Variants in CNOT3 observed in about 807,000 individuals in gnomAD.
CNOT3 encodes the protein CCR4-NOT transcription complex subunit 3.
In CNOT3, 2 loss-of-function variants were observed where a neutral mutation model predicts 89.4. That is an observed-to-expected ratio of 0.02 (90% CI 0.01 to 0.07). The LOEUF (loss-of-function observed/expected upper bound fraction) is 0.07, where lower values mean the gene tolerates loss of function less well. Among genes scored for constraint, CNOT3 ranks in the 10% least tolerant of loss-of-function variants. The probability of loss-of-function intolerance (pLI) is 1.00; values close to 1 mark genes in which losing one functional copy is unlikely to be tolerated. For synonymous variants in CNOT3, 486 were observed against 402.0 expected, an observed-to-expected ratio of 1.21 and a Z score of -2.50; for missense variants, 664 against 1,010.2, an observed-to-expected ratio of 0.66 and a Z score of 4.65.
At position 54,145,861 on chromosome 19, in the gene CNOT3, G is replaced by C; in HGVS notation, c.703+44G>C. The C allele has an allele frequency of 6.2e-7, 1 of 1,610,940 alleles. No homozygotes were observed. Among genetic ancestry groups the C allele is most frequent in the Non-Finnish European group, 8.5e-7 (1 of 1,177,818 alleles). Reference sequence around the variant, plus strand: ...TCGTGGCACAGGAAGTGAGGGCCCAGAATGGGCTGTGTGAGCCAGCTAAGC... The same window carrying C: ...TCGTGGCACAGGAAGTGAGGGCCCACAATGGGCTGTGTGAGCCAGCTAAGC... On this transcript the variant is annotated intron_variant, in intron 8 of 17. Transcript: ENST00000221232. This position sits in a 1 kb window ranked among gnomAD's most constrained non-coding sequence, Gnocchi z 5.9.
chr19:54,148,397 G>A lies in CNOT3; in HGVS notation c.1144G>A (p.Gly382Arg), dbSNP rs779427467. ...GGCTGTGGCCCCACCAGCTCCCAGT[G>A]GGCCCAGCACGACCCAGCCCCGGCC... is the stretch of plus-strand genomic sequence containing the variant. ...AQAVAPPAPSGPSTTQPRPPS... is the reference protein window; with the variant it reads ...AQAVAPPAPSRPSTTQPRPPS... The change falls in exon 11 of 18, where the codon GGG becomes AGG. Residue 382 changes from glycine to arginine, a missense_variant. By Grantham distance (125) the Gly-to-Arg change is moderately radical. This residue lies in a region of CNOT3 where 545 missense variants were observed against 566.2 expected (regional missense o/e 0.96). Transcript: ENST00000221232. This position sits in a 1 kb window ranked among gnomAD's most constrained non-coding sequence, Gnocchi z 6.3. 1 of 1,562,372 alleles carries A rather than the reference G, an allele frequency of 6.4e-7. No individual in the cohort carries two copies. Among genetic ancestry groups the A allele is most frequent in the Non-Finnish European group, 8.7e-7 (1 of 1,152,632 alleles).
intron 9 of CNOT3, 22 bp from the exon 10 acceptor site, chr19:54,146,579 T>C (rs990925041): frequency 1.1e-5 from 14 of 1,282,220 alleles, no homozygotes; most frequent in Middle Eastern, 1.8e-4. Context: ...CACAGGTTTC[T>C]ATTCTGCCTC....
Position 54,153,711 on chromosome 19 carries a change from C to A in CNOT3, c.2038-4C>A, listed in dbSNP as rs750170524. ...GATCCCCCTCTCCACTGTTCCTCCC[C>A]CAGGGCACTAAGGCACAGTATCTGG... On this transcript the variant is annotated splice_polypyrimidine_tract_variant and splice_region_variant and intron_variant, in intron 16 of 17. Coordinates refer to ENST00000221232, the MANE Select transcript of CNOT3 (RefSeq NM_014516.4). 16 of 1,613,714 alleles carry A rather than the reference C, an allele frequency of 9.9e-6. No homozygotes were observed. Among genetic ancestry groups the A allele is most frequent in the Middle Eastern group, 1.7e-4 (1 of 6,046 alleles).
intron 5 of CNOT3, 82 bp from the exon 6 acceptor site, chr19:54,143,924 G>C (rs999976420): frequency 1.3e-6 from 2 of 1,554,800 alleles, no homozygotes; most frequent in Non-Finnish European, 1.7e-6. Flanking sequence ...GGGTCACGAG[G>C]CTCAGGTCGG....
Position 54,149,805 on chromosome 19 carries a change from GTTTC to G in CNOT3, c.1605+52_1605+55del, listed in dbSNP as rs587761085. ...CGAGCCTCTGTGTCCTGACTCTGTT[GTTTC>G]TTTCCTCCAGGTCTCTAGCTGCACC... is the stretch of plus-strand genomic sequence containing the variant. On this transcript the variant is annotated intron_variant, in intron 13 of 17. Coordinates refer to ENST00000221232, the MANE Select transcript of CNOT3 (RefSeq NM_014516.4). 1.5e-4 allele frequency: 234 copies of G among 1,524,962 alleles called. No individual in the cohort carries two copies. In the African/African-American group the frequency reaches 3.0e-3, roughly 19 times the overall value. The allele number at this position is 1,524,962 out of a possible 1,614,324, so 94.5% of individuals were successfully genotyped here.
chr19:54,142,964 T>C lies in CNOT3; in HGVS notation c.-15T>C. On this transcript the variant is annotated 5_prime_UTR_variant, in exon 2 of 18. Transcript: ENST00000221232. ...CAAGAGAGTATGAAGAGAGTGCGTC[T>C]GTAGGGCAGGGAAGATGGCGGACAA... is the stretch of plus-strand genomic sequence containing the variant. The C allele has an allele frequency of 6.2e-7, 1 of 1,613,820 alleles. No homozygotes were observed.
intron 16 of CNOT3, chr19:54,153,345 GGCCTCCCT>G: frequency 1.3e-6 from 1 of 762,180 alleles, no homozygotes; most frequent in Non-Finnish European, 2.4e-6. Flanking sequence ...CACATTCTCA[GGCCTCCCT>G]GGAGACCACT....
At chr19:54,139,188 G>C (rs755139453) in intron 1 of CNOT3, among the ~76,000 whole-genome samples, 3 of 152,172 alleles carry the variant, frequency 2.0e-5, no homozygotes, top group African/African-American at 7.2e-5. Context: ...TGTCCTTTTG[G>C]TGAGGGGTTT....
In CNOT3 at chr19:54,148,080, A is replaced by AG; in HGVS notation, c.895-66dup. On this transcript the variant is annotated intron_variant, in intron 10 of 17. Coordinates refer to ENST00000221232, the MANE Select transcript of CNOT3 (RefSeq NM_014516.4). The surrounding 1 kb of genome is among the most constrained non-coding windows in gnomAD (Gnocchi z 6.3). ...GCTGCTGGGACAAAGATGGAGCCTG[A>AG]GGTGGGGGTGGTGAGGGAGACCAGC... The AG allele has an allele frequency of 8.2e-7, 1 of 1,226,450 alleles. No homozygotes were observed. The highest frequency in any genetic ancestry group is 1.1e-6 in the Non-Finnish European group (1 of 923,490). 76.0% of individuals were successfully genotyped at this position (1,226,450 alleles called of 1,614,324 possible). A position where few individuals can be genotyped will look rare whatever the true frequency, so the allele number is the denominator to read the frequency against.
At chr19:54,138,841 G>C (rs2074332230) in intron 1 of CNOT3, among the ~76,000 whole-genome samples, 1 of 152,204 alleles carries the variant, frequency 6.6e-6, no homozygotes, top group South Asian at 2.1e-4. Context: ...TCCCCCACCT[G>C]GGGTACAGGA....
At chr19:54,138,240 A>T (rs1472753523) in intron 1 of CNOT3, among the ~76,000 whole-genome samples, 15 of 145,624 alleles carry the variant, frequency 1.0e-4, no homozygotes, top group Admixed American at 4.7e-4. Flanking sequence ...TCCTTCCGCG[A>T]CCCGGACCCC....
At chr19:54,153,040 TCGC>T in intron 16 of CNOT3, 41 bp downstream of exon 16, 2 of 1,579,898 alleles carry the variant, frequency 1.3e-6, no homozygotes, top group Non-Finnish European at 1.7e-6. Flanking sequence ...CCCCCCGGCT[TCGC>T]CGCCACCGCC....
In CNOT3 at chr19:54,146,053, C is replaced by G; in HGVS notation, c.837+10C>G. On this transcript the variant is annotated intron_variant, in intron 9 of 17. Coordinates refer to ENST00000221232, the MANE Select transcript of CNOT3 (RefSeq NM_014516.4). ...AGCCAACTGTACCACGGTGAGGCCC[C>G]ACGGGACACTAGTACCTTGTGTTTC... is the stretch of plus-strand genomic sequence containing the variant. 7 of 1,612,386 alleles carry G rather than the reference C, an allele frequency of 4.3e-6. No homozygotes were observed. The highest frequency in any genetic ancestry group is 5.9e-6 in the Non-Finnish European group (7 of 1,179,476).
chr19:54,152,445 A>G lies in CNOT3; in HGVS notation c.1723A>G (p.Thr575Ala). Residue 575 changes from threonine (T) to alanine (A), a missense_variant, in exon 15 of 18, where the codon ACA becomes GCA. By Grantham distance (58) the Thr-to-Ala change is moderately conservative. Around this residue, in one of 8 missense-constraint regions of CNOT3, gnomAD observed 545 missense variants for 566.2 expected, o/e 0.96. Coordinates refer to ENST00000221232, the MANE Select transcript of CNOT3 (RefSeq NM_014516.4). ...CCCCACAGACATCATCCTGAGCAGTACATCAGCACCTCCGGCCTCAGCCCA... is the reference window on the plus strand; with the variant it reads ...CCCCACAGACATCATCCTGAGCAGTGCATCAGCACCTCCGGCCTCAGCCCA... ...LTERDIILSS[T>A]SAPPASAQPP... 1 of 1,614,176 alleles carries G rather than the reference A, an allele frequency of 6.2e-7. No individual in the cohort carries two copies. Among genetic ancestry groups the G allele is most frequent in the Non-Finnish European group, 8.5e-7 (1 of 1,180,018 alleles).
rs771154648 is a variant in CNOT3, at chr19:54,152,494, T to C, written c.1772T>C (p.Val591Ala). ...SAQPPLQLSE[V>A]NIPLSLGVCP... ...CAGCCGCCCCTGCAGCTGTCAGAGG[T>C]GAACATACCGCTGTCGCTGGGTGTC... is the stretch of plus-strand genomic sequence containing the variant. The change falls in exon 15 of 18, where the codon GTG (valine) becomes GCG (alanine). Residue 591 changes from valine (V) to alanine (A), a missense_variant. This residue lies in a region of CNOT3 where 545 missense variants were observed against 566.2 expected (regional missense o/e 0.96). Coordinates refer to ENST00000221232, the MANE Select transcript of CNOT3 (RefSeq NM_014516.4). 1 of 1,613,796 alleles carries C rather than the reference T, an allele frequency of 6.2e-7. No homozygotes were observed. The highest frequency in any genetic ancestry group is 8.5e-7 in the Non-Finnish European group (1 of 1,179,936).
intron 13 of CNOT3, among the ~76,000 whole-genome samples, chr19:54,150,299 A>G (rs587726820): frequency 6.6e-6 from 1 of 152,242 alleles, no homozygotes; most frequent in South Asian, 2.1e-4. Flanking sequence ...GACCTGGACC[A>G]GGCAGGGGGG....
chr19:54,141,220 G>T (rs1251498124), intron 1 of CNOT3, among the ~76,000 whole-genome samples: 1 of 152,162 alleles, frequency 6.6e-6, no homozygotes, highest in African/African-American at 2.4e-5. Flanking sequence ...GGGTCCTTTT[G>T]TTGGTTGCTT....
rs587662644 is a variant in CNOT3 at position 54,148,553 on chromosome 19, G to A, written c.1282+18G>A. ...CGCCACCAGTGAGTGAGGAGGCAGCGGGGTGGGGGGCGTGGGCGGGGCTGG... is the reference window on the plus strand; with the variant it reads ...CGCCACCAGTGAGTGAGGAGGCAGCAGGGTGGGGGGCGTGGGCGGGGCTGG... On this transcript the variant is annotated intron_variant, in intron 11 of 17. Transcript: ENST00000221232. The surrounding 1 kb of genome is among the most constrained non-coding windows in gnomAD (Gnocchi z 6.3). 75 of 1,572,794 alleles carry A rather than the reference G, an allele frequency of 4.8e-5. No individual in the cohort carries two copies. The African/African-American group carries it at 5.4e-4, about 11-fold the overall frequency.
At chr19:54,140,031 C>T (rs1245495288) in intron 1 of CNOT3, among the ~76,000 whole-genome samples, 3 of 152,146 alleles carry the variant, frequency 2.0e-5, no homozygotes, top group Non-Finnish European at 4.4e-5. Context: ...ATCAAAGGTG[C>T]CTCATGACAA....
Sources: allele counts gnomAD v4.1 joint callset (sites outside exome capture counted in the v4.1 genomes callset), GRCh38; gene constraint gnomAD v4.1.1; regional missense constraint gnomAD v4.1.1; non-coding constraint Gnocchi (gnomAD v3.1); transcripts MANE v1.5; gene names NCBI Gene and HGNC (gene_info 2026-07-23, HGNC 2026-07-21).